KCNH5: variants seen among roughly 807,000 people sequenced by gnomAD.
KCNH5 encodes the protein voltage-gated delayed rectifier potassium channel KCNH5.
Under a neutral mutation model 96.1 loss-of-function variants are expected in KCNH5, and 46 were observed. The observed-to-expected ratio is 0.48, with a 90% CI of 0.38 to 0.61. The LOEUF is 0.61. Among genes scored for constraint, KCNH5 ranks in the 20% least tolerant of loss-of-function variants. KCNH5 has a pLI of 0.00. For missense variants in KCNH5, 907 were observed against 1,225.8 expected, an observed-to-expected ratio of 0.74 and a Z score of 3.88; for synonymous variants, 439 against 449.8, an observed-to-expected ratio of 0.98 and a Z score of 0.30.
intron 8 of KCNH5, among the ~76,000 whole-genome samples, chr14:62,824,835 TCTTTTGTTTCCA>T (rs1887188474): frequency 1.3e-5 from 2 of 151,998 alleles, no homozygotes; most frequent in South Asian, 2.1e-4. Context: ...GAGTACCCAA[TCTTTTGTTTCCA>T]CTTATAAGTG....
chr14:62,923,976 C>T (rs1055333619), intron 7 of KCNH5, among the ~76,000 whole-genome samples: 4 of 151,808 alleles, frequency 2.6e-5, no homozygotes, highest in Middle Eastern at 3.4e-3. Context: ...CGTGGGACCA[C>T]ATCAAACAAA....
chr14:62,867,315 T>C (rs1888154177), intron 7 of KCNH5, among the ~76,000 whole-genome samples: 1 of 152,188 alleles, frequency 6.6e-6, no homozygotes, highest in Non-Finnish European at 1.5e-5. Context: ...GTCACTCCCC[T>C]TCTGAATCTC....
rs373262864 is a variant in KCNH5 at position 62,743,405 on chromosome 14, A to C, written c.2020-34950T>G. ...TCACCTGGGGGTATCGACGTAGAATAAATCTATGAAATCTTTTGGTTTTGT... is the reference window on the plus strand; with the variant it reads ...TCACCTGGGGGTATCGACGTAGAATCAATCTATGAAATCTTTTGGTTTTGT... On this transcript the variant is annotated intron_variant, in intron 10 of 10. Coordinates refer to ENST00000322893, the MANE Select transcript of KCNH5 (RefSeq NM_139318.5). Among the ~76,000 whole-genome samples the C allele has an allele frequency of 2.2e-4, 33 of 152,296 alleles. 2 individuals are homozygous for C. The East Asian group carries it at 2.7e-3, about 12-fold the overall frequency.
At position 62,911,282 on chromosome 14, in the gene KCNH5, CT is replaced by C. The variant is rs547182329; in HGVS notation, c.1369+38850del. 1.1e-3 allele frequency among the ~76,000 whole-genome samples: 154 copies of C among 134,936 alleles called. 2 individuals carry two copies. The highest frequency in any genetic ancestry group is 9.4e-3 in the South Asian group (40 of 4,256). 88.5% of individuals were successfully genotyped at this position (134,936 alleles called of 152,430 possible). Reference sequence around the variant, plus strand: ...CACAATCTTTCTTTCTTTTTTTTTTCTTTTTTTTTTTTTTGAGACGGAGTCT... The same window carrying C: ...CACAATCTTTCTTTCTTTTTTTTTTCTTTTTTTTTTTTTGAGACGGAGTCT... On this transcript the variant is annotated intron_variant, in intron 7 of 10. Coordinates refer to ENST00000322893, the MANE Select transcript of KCNH5 (RefSeq NM_139318.5).
intron 10 of KCNH5, among the ~76,000 whole-genome samples, chr14:62,721,461 T>C (rs1479825506): frequency 3.3e-5 from 5 of 150,540 alleles, no homozygotes; most frequent in Admixed American, 2.0e-4. Flanking sequence ...TTTGCTTTCT[T>C]GACATCATGT....
intron 1 of KCNH5, among the ~76,000 whole-genome samples, chr14:63,037,761 T>G (rs1891750027): frequency 1.3e-5 from 2 of 152,222 alleles, no homozygotes; most frequent in Admixed American, 1.3e-4. Context: ...TTTCCTCTTC[T>G]GCTGCATACT....
intron 7 of KCNH5, among the ~76,000 whole-genome samples, chr14:62,873,347 T>A (rs1015464684): frequency 5.3e-5 from 8 of 152,206 alleles, no homozygotes; most frequent in Non-Finnish European, 8.8e-5. Flanking sequence ...CTCTTTATAT[T>A]GTTACCAATG....
chr14:62,725,438 T>G (rs1413582868), intron 10 of KCNH5, among the ~76,000 whole-genome samples: 1 of 152,158 alleles, frequency 6.6e-6, no homozygotes, highest in Non-Finnish European at 1.5e-5. Flanking sequence ...ACAGTTTCCT[T>G]TGGCCCAGTT....
chr14:62,993,255 T>G (rs1337499195), intron 4 of KCNH5, among the ~76,000 whole-genome samples: 1 of 152,136 alleles, frequency 6.6e-6, no homozygotes, highest in African/African-American at 2.4e-5. Flanking sequence ...ATGTGATGTC[T>G]TCAGCTTTAT....
chr14:62,985,482 G>A lies in KCNH5; in HGVS notation c.549+1590C>T, dbSNP rs553924624. On this transcript the variant is annotated intron_variant, in intron 5 of 10. Coordinates refer to ENST00000322893, the MANE Select transcript of KCNH5 (RefSeq NM_139318.5). ...TCTGCAGCAGAGAAAACTGATAAGC[G>A]TATGGATTTTATCTTTCTCTTTTTT... is the stretch of plus-strand genomic sequence containing the variant. Among the ~76,000 whole-genome samples, 50 of 152,270 alleles carry A rather than the reference G, an allele frequency of 3.3e-4. No individual in the cohort carries two copies. In the South Asian group the frequency reaches 7.5e-3, roughly 23 times the overall value.
chr14:62,878,765 T>G (rs1313550710), intron 7 of KCNH5, among the ~76,000 whole-genome samples: 1 of 152,150 alleles, frequency 6.6e-6, no homozygotes, highest in Non-Finnish European at 1.5e-5. Flanking sequence ...AAGTTCAAGC[T>G]TAAGATGTCA....
At chr14:62,720,279 T>A (rs901493764) in intron 10 of KCNH5, among the ~76,000 whole-genome samples, 5 of 152,196 alleles carry the variant, frequency 3.3e-5, no homozygotes, top group African/African-American at 1.2e-4. Context: ...CTTCAGATTT[T>A]ACCTGTGAGG....
At chr14:62,903,857 A>G (rs1432669047) in intron 7 of KCNH5, among the ~76,000 whole-genome samples, 4 of 152,072 alleles carry the variant, frequency 2.6e-5, no homozygotes, top group African/African-American at 9.7e-5. Context: ...TTACAGTTTT[A>G]ATACTAAAAA....
At chr14:62,970,073 T>TAAAAAAAAAAAAAAA (rs1284748914) in intron 6 of KCNH5, among the ~76,000 whole-genome samples, 21 of 112,140 alleles carry the variant, frequency 1.9e-4, no homozygotes, top group Non-Finnish European at 3.2e-4. Flanking sequence ...AAAAAAAAAT[T>TAAAAAAAAAAAAAAA]AAATCAATAA....
chr14:62,849,956 T>TCTA, intron 7 of KCNH5, 104 bp from the exon 8 acceptor site: 1 of 918,002 alleles, frequency 1.1e-6, no homozygotes. Context: ...CCTTATAAAC[T>TCTA]TGCAGGGGTA....
At chr14:62,932,039 G>A (rs1333532283) in intron 7 of KCNH5, among the ~76,000 whole-genome samples, 2 of 152,076 alleles carry the variant, frequency 1.3e-5, no homozygotes, top group Admixed American at 6.6e-5. Context: ...TAACAGAAAT[G>A]ACCCCAAAAT....
chr14:62,821,855 T>C (rs1252223338), intron 8 of KCNH5, among the ~76,000 whole-genome samples: 1 of 152,146 alleles, frequency 6.6e-6, no homozygotes, highest in Non-Finnish European at 1.5e-5. Context: ...ATCTACTTTG[T>C]GCCCATGGCA....
chr14:62,928,221 C>A (rs1290435129), intron 7 of KCNH5, among the ~76,000 whole-genome samples: 1 of 152,028 alleles, frequency 6.6e-6, no homozygotes. Context: ...AGAAGTCATG[C>A]GGTGATAACC....
intron 7 of KCNH5, among the ~76,000 whole-genome samples, chr14:62,937,277 T>C (rs1276445289): frequency 3.3e-5 from 5 of 152,136 alleles, no homozygotes; most frequent in Non-Finnish European, 7.4e-5. Context: ...ACCACCACCA[T>C]CATCATCTCT....
Sources: allele counts gnomAD v4.1 joint callset (sites outside exome capture counted in the v4.1 genomes callset), GRCh38; gene constraint gnomAD v4.1.1; transcripts MANE v1.5; gene names NCBI Gene and HGNC (gene_info 2026-07-23, HGNC 2026-07-21).